The following COL22A1 variants were observed in gnomAD, a reference collection of about 807,000 sequenced individuals.
The protein encoded by COL22A1 is collagen alpha-1(XXII) chain.
In COL22A1, 221 loss-of-function variants were observed where a neutral mutation model predicts 248.9. The ratio of observed to expected loss-of-function variants is 0.89; its 90% confidence interval spans 0.80 to 0.99. The LOEUF (loss-of-function observed/expected upper bound fraction) is 0.99, where lower values mean the gene tolerates loss of function less well. Ranked by LOEUF, COL22A1 falls within the 50% of genes least tolerant of loss-of-function variation. The pLI is 0.00. For missense variants in COL22A1, 2,240 were observed against 2,179.0 expected, an observed-to-expected ratio of 1.03 and a Z score of -0.56; for synonymous variants, 891 against 793.4, an observed-to-expected ratio of 1.12 and a Z score of -2.07.
chr8:138,694,968 C>A, intron 32 of COL22A1, 89 bp from the exon 33 acceptor site: 1 of 1,246,008 alleles, frequency 8.0e-7, no homozygotes, highest in South Asian at 1.4e-5. Context: ...GACACACAGG[C>A]CACCTCCAGT....
intron 28 of COL22A1, 50 bp from the exon 29 acceptor site, chr8:138,716,339 G>T: frequency 2.9e-6 from 4 of 1,363,304 alleles, no homozygotes; most frequent in South Asian, 1.3e-5. Context: ...CTCTCCCAGG[G>T]GCCAAGCTGC....
intron 43 of COL22A1, among the ~76,000 whole-genome samples, chr8:138,660,945 T>G (rs1433927774): frequency 1.5e-4 from 3 of 20,040 alleles, no homozygotes; most frequent in African/African-American, 2.8e-4. Flanking sequence ...GACACACACA[T>G]AAACACACAG....
chr8:138,798,982 C>G (rs1248205771), intron 11 of COL22A1, among the ~76,000 whole-genome samples: 3 of 152,160 alleles, frequency 2.0e-5, no homozygotes, highest in Non-Finnish European at 4.4e-5. Context: ...GATTCATGCA[C>G]TTTATGAACC....
chr8:138,638,960 A>C (rs1274188559), intron 47 of COL22A1, among the ~76,000 whole-genome samples: 1 of 152,138 alleles, frequency 6.6e-6, no homozygotes, highest in Admixed American at 6.6e-5. Context: ...GGATCAAAGC[A>C]AACACACCCA....
rs570548958 is a variant in COL22A1 at position 138,621,624 on chromosome 8, G to A, written c.3771+2108C>T. Reference sequence around the variant, plus strand: ...TGAACTCCGGGGTCAGCCTGCAGGAGTGTGAGTCCTAGATGCTTCATTTAC... The same window carrying A: ...TGAACTCCGGGGTCAGCCTGCAGGAATGTGAGTCCTAGATGCTTCATTTAC... On this transcript the variant is annotated intron_variant, in intron 52 of 64. Transcript: ENST00000303045. Among the ~76,000 whole-genome samples the A allele has an allele frequency of 6.8e-4, 103 of 152,298 alleles. 1 individual carries two copies. The highest frequency in any genetic ancestry group is 3.4e-3 in the Middle Eastern group (1 of 294).
chr8:138,725,404 C>T lies in COL22A1; in HGVS notation c.2176G>A (p.Gly726Arg). The T allele has an allele frequency of 6.2e-7, 1 of 1,614,068 alleles. No individual in the cohort carries two copies. Among genetic ancestry groups the T allele is most frequent in the South Asian group, 1.1e-5 (1 of 91,072 alleles). The part of the protein sequence containing the change: ...PGPPGVPGPP[G>R]PGGSPGLPGE... The stretch of plus-strand genomic sequence containing the variant: ...AGTCTTACCGGAGAACCTCCCGGTC[C>T]AGGGGGGCCTGGGACACCAGGGGGT... The change falls in exon 24 of 65, where the codon GGA (glycine) becomes AGA (arginine). Residue 726 changes from glycine (G) to arginine (R), a missense_variant. Physicochemically the swap from Gly to Arg is moderately radical, Grantham distance 125 (BLOSUM62 -2). Transcript: ENST00000303045.
chr8:138,837,900 G>A (rs936684222), intron 4 of COL22A1, among the ~76,000 whole-genome samples: 8 of 152,176 alleles, frequency 5.3e-5, no homozygotes, highest in Non-Finnish European at 7.4e-5. Context: ...GAGGTGGGAC[G>A]TGTCCTGGTG....
chr8:138,752,968 G>T (rs997835287), intron 21 of COL22A1, among the ~76,000 whole-genome samples: 3 of 152,232 alleles, frequency 2.0e-5, no homozygotes, highest in Non-Finnish European at 4.4e-5. Context: ...GCCTCAGAGA[G>T]CAGCTCATTT....
At chr8:138,745,130 T>C (rs902698668) in intron 22 of COL22A1, among the ~76,000 whole-genome samples, 1 of 152,274 alleles carries the variant, frequency 6.6e-6, no homozygotes, top group South Asian at 2.1e-4. Context: ...CTATAGACAT[T>C]CCAAATTTTA....
At chr8:138,761,656 T>C (rs964092263) in intron 17 of COL22A1, among the ~76,000 whole-genome samples, 12 of 152,116 alleles carry the variant, frequency 7.9e-5, no homozygotes, top group African/African-American at 2.2e-4. Context: ...AATTATGCTA[T>C]GCAACATAGT....
chr8:138,613,366 G>A (rs1819054269), intron 56 of COL22A1, among the ~76,000 whole-genome samples: 2 of 152,110 alleles, frequency 1.3e-5, no homozygotes, highest in South Asian at 2.1e-4. Flanking sequence ...GAACGCCCTC[G>A]AGAGCCAGCA....
At chr8:138,831,851 G>A (rs754515267) in intron 5 of COL22A1, among the ~76,000 whole-genome samples, 9 of 152,192 alleles carry the variant, frequency 5.9e-5, no homozygotes, top group Non-Finnish European at 8.8e-5. Context: ...TGTCAGAGGC[G>A]TGTGAACCAG....
intron 4 of COL22A1, among the ~76,000 whole-genome samples, chr8:138,841,542 C>T (rs1378370210): frequency 6.6e-6 from 1 of 152,108 alleles, no homozygotes; most frequent in Non-Finnish European, 1.5e-5. Flanking sequence ...GGGAGTACTG[C>T]ATCTTTGGGG....
chr8:138,779,641 G>A (rs1258442565), intron 13 of COL22A1, 79 bp from the exon 14 acceptor site: 15 of 960,340 alleles, frequency 1.6e-5, no homozygotes, highest in Non-Finnish European at 2.2e-5. Context: ...CAGTCTCCCA[G>A]GGCCTCTGCT....
At chr8:138,623,399 T>G (rs370161399) in intron 52 of COL22A1, among the ~76,000 whole-genome samples, 18 of 151,812 alleles carry the variant, frequency 1.2e-4, no homozygotes, top group African/African-American at 4.1e-4. Flanking sequence ...CTCATCTACT[T>G]CAGCTTCCTC....
chr8:138,883,612 G>A (rs1052296279), intron 1 of COL22A1, among the ~76,000 whole-genome samples: 7 of 152,174 alleles, frequency 4.6e-5, no homozygotes, highest in African/African-American at 1.7e-4. Context: ...CTGGTCGGAG[G>A]TGATTGGATC....
rs76685238 is a variant in COL22A1, at chr8:138,682,064, T to C, written c.3012+2361A>G. ...TCTTGCATGTTATTGTAAGCAAGCC[T>C]CTCACATACAATTTGAGAAGCAATA... On this transcript the variant is annotated intron_variant, in intron 39 of 64. Coordinates refer to ENST00000303045, the MANE Select transcript of COL22A1 (RefSeq NM_152888.3). Among the ~76,000 whole-genome samples, 473 of 152,322 alleles carry C rather than the reference T, an allele frequency of 3.1e-3. 2 individuals are homozygous for C. Among genetic ancestry groups the C allele is most frequent in the African/African-American group, 0.01 (426 of 41,564 alleles).
intron 39 of COL22A1, among the ~76,000 whole-genome samples, chr8:138,683,503 C>G (rs961135506): frequency 2.0e-5 from 3 of 152,136 alleles, no homozygotes; most frequent in African/African-American, 7.2e-5. Flanking sequence ...TGTGCCTCAG[C>G]AGACGACATG....
chr8:138,771,322 G>A (rs181171238), intron 16 of COL22A1, among the ~76,000 whole-genome samples: 4 of 152,308 alleles, frequency 2.6e-5, no homozygotes, highest in Non-Finnish European at 5.9e-5. Flanking sequence ...TGACCTTCGG[G>A]CCTGGTAACC....
Sources: gnomAD v4.1 joint callset for allele counts (sites outside exome capture counted in the v4.1 genomes callset) on GRCh38, gnomAD v4.1.1 for gene constraint, MANE v1.5 for transcripts, NCBI Gene and HGNC (gene_info 2026-07-23, HGNC 2026-07-21) for gene names.